The following RNF180 variants were observed in gnomAD, a reference collection of about 807,000 sequenced individuals.
RNF180 encodes ring finger protein 180.
A neutral mutation model predicts 59.2 loss-of-function variants in RNF180; 38 were observed. The ratio of observed to expected loss-of-function variants is 0.64; its 90% confidence interval spans 0.50 to 0.84. The LOEUF (loss-of-function observed/expected upper bound fraction) is 0.84. Ranked by LOEUF, RNF180 falls within the 40% of genes least tolerant of loss-of-function variation. RNF180 has a pLI of 0.00. For missense variants in RNF180, 705 were observed against 700.9 expected (o/e 1.01, Z -0.07); for synonymous variants, 262 against 240.3 (o/e 1.09, Z -0.84).
intron 5 of RNF180, among the ~76,000 whole-genome samples, chr5:64,264,262 G>T (rs564893571): frequency 1.3e-5 from 2 of 152,196 alleles, no homozygotes; most frequent in South Asian, 4.1e-4. Context: ...TGCGCAGAAT[G>T]TGCAAGTTTG....
At chr5:64,235,959 A>C (rs761918075) in intron 5 of RNF180, among the ~76,000 whole-genome samples, 19 of 152,208 alleles carry the variant, frequency 1.2e-4, no homozygotes, top group Non-Finnish European at 2.4e-4. Context: ...CCCAGGTAGT[A>C]CATTTATAGC....
intron 5 of RNF180, among the ~76,000 whole-genome samples, chr5:64,280,247 T>C (rs755852596): frequency 2.6e-5 from 4 of 152,188 alleles, no homozygotes; most frequent in Non-Finnish European, 4.4e-5. Flanking sequence ...GCAAATATTT[T>C]CTTCCATTCT....
intron 5 of RNF180, among the ~76,000 whole-genome samples, chr5:64,282,542 T>C (rs192401284): frequency 1.8e-4 from 27 of 152,318 alleles, no homozygotes; most frequent in African/African-American, 6.5e-4. Context: ...TTTCATTCAG[T>C]TCAGCTCTGA....
At chr5:64,261,594 CTT>C (rs1219232858) in intron 5 of RNF180, among the ~76,000 whole-genome samples, 2 of 152,118 alleles carry the variant, frequency 1.3e-5, no homozygotes, top group East Asian at 1.9e-4. Context: ...AAAAATATCT[CTT>C]ATCACACACA....
chr5:64,348,826 A>T (rs1360030393), intron 7 of RNF180, among the ~76,000 whole-genome samples: 1 of 152,116 alleles, frequency 6.6e-6, no homozygotes. Context: ...TGATTACCAA[A>T]TGATATAACT....
At position 64,330,424 on chromosome 5, in the gene RNF180, C is replaced by CA. The variant is rs558157270; in HGVS notation, c.1579+27dup. The CA allele has an allele frequency of 1.7e-4, 255 of 1,485,426 alleles. No individual in the cohort carries two copies. Among genetic ancestry groups the CA allele is most frequent in the Admixed American group, 3.9e-4 (15 of 38,524 alleles). The allele number at this position is 1,485,426 out of a possible 1,614,324, so 92.0% of individuals were successfully genotyped here. On this transcript the variant is annotated intron_variant, in intron 7 of 7. Transcript: ENST00000389100. ...TTTTGGAGGTAAGGAAATCTAACGCCAAAAAAAAAGTCTGGTAATTTTGTC... is the reference window on the plus strand; with the variant it reads ...TTTTGGAGGTAAGGAAATCTAACGCCAAAAAAAAAAGTCTGGTAATTTTGTC...
intron 3 of RNF180, among the ~76,000 whole-genome samples, chr5:64,212,433 A>C (rs563530921): frequency 1.3e-5 from 2 of 152,210 alleles, no homozygotes; most frequent in South Asian, 4.1e-4. Context: ...TATTATACAC[A>C]CACATATACA....
At chr5:64,357,467 A>C (rs1317393786) in intron 7 of RNF180, among the ~76,000 whole-genome samples, 1 of 151,890 alleles carries the variant, frequency 6.6e-6, no homozygotes, top group Non-Finnish European at 1.5e-5. Context: ...TCTCTGAATT[A>C]GCCTCTAAAG....
At chr5:64,349,455 A>T in intron 7 of RNF180, among the ~76,000 whole-genome samples, 2 of 148,466 alleles carry the variant, frequency 1.3e-5, no homozygotes, top group African/African-American at 2.5e-5. Context: ...TTATACTTTA[A>T]GTTCTAGGGT....
chr5:64,176,638 CA>C (rs1310237232), intron 1 of RNF180, among the ~76,000 whole-genome samples: 2 of 151,998 alleles, frequency 1.3e-5, no homozygotes, highest in Admixed American at 1.3e-4. Flanking sequence ...TAAATTTTTC[CA>C]TAGCAAGCAG....
intron 7 of RNF180, among the ~76,000 whole-genome samples, chr5:64,364,539 T>C (rs1746375081): frequency 6.6e-6 from 1 of 151,726 alleles, no homozygotes; most frequent in Non-Finnish European, 1.5e-5. Context: ...TTTTATTTTT[T>C]TGTTCTTGTG....
chr5:64,333,313 G>A (rs1023657313), intron 7 of RNF180, among the ~76,000 whole-genome samples: 2 of 152,148 alleles, frequency 1.3e-5, no homozygotes, highest in Admixed American at 6.5e-5. Flanking sequence ...AAGTAGCTGG[G>A]ATTACAGGTG....
At chr5:64,325,991 G>A (rs1050833322) in intron 6 of RNF180, among the ~76,000 whole-genome samples, 3 of 152,142 alleles carry the variant, frequency 2.0e-5, no homozygotes, top group Non-Finnish European at 4.4e-5. Context: ...AATAATGAAT[G>A]TGGAACATAG....
intron 5 of RNF180, among the ~76,000 whole-genome samples, chr5:64,301,498 G>T (rs1743157927): frequency 6.6e-6 from 1 of 151,672 alleles, no homozygotes; most frequent in African/African-American, 2.4e-5. Flanking sequence ...GGTTAACTGT[G>T]TTTTATTTTT....
intron 5 of RNF180, among the ~76,000 whole-genome samples, chr5:64,273,946 G>C (rs1428209700): frequency 1.3e-5 from 2 of 151,974 alleles, no homozygotes; most frequent in Non-Finnish European, 2.9e-5. Flanking sequence ...CCACAGATTT[G>C]ACACTAGAGT....
At chr5:64,181,503 G>A (rs879920355) in intron 1 of RNF180, among the ~76,000 whole-genome samples, 3 of 152,132 alleles carry the variant, frequency 2.0e-5, no homozygotes, top group Non-Finnish European at 2.9e-5. Flanking sequence ...GGCAATAAAG[G>A]GTATTGAAAA....
At chr5:64,272,992 G>A (rs1741503546) in intron 5 of RNF180, among the ~76,000 whole-genome samples, 1 of 151,868 alleles carries the variant, frequency 6.6e-6, no homozygotes. Flanking sequence ...TAAATCTGAA[G>A]TTTATCTGTA....
At chr5:64,205,207 ATCAGGTTTG>A (rs1305404261) in intron 2 of RNF180, among the ~76,000 whole-genome samples, 1 of 152,168 alleles carries the variant, frequency 6.6e-6, no homozygotes, top group East Asian at 1.9e-4. Flanking sequence ...GTGTGGGTGT[ATCAGGTTTG>A]TCAAAGTTAG....
intron 5 of RNF180, among the ~76,000 whole-genome samples, chr5:64,288,737 T>C (rs1742418438): frequency 6.6e-6 from 1 of 152,244 alleles, no homozygotes; most frequent in Admixed American, 6.5e-5. Context: ...TTTTGCACAG[T>C]GATTTTGTAT....
Sources: allele counts gnomAD v4.1 joint callset (sites outside exome capture counted in the v4.1 genomes callset), GRCh38; gene constraint gnomAD v4.1.1; transcripts MANE v1.5; gene names NCBI Gene and HGNC (gene_info 2026-07-23, HGNC 2026-07-21).